The following STOML3 variants were observed in gnomAD, a reference collection of about 807,000 sequenced individuals.
STOML3 encodes the protein stomatin like 3.
Under a neutral mutation model 29.5 loss-of-function variants are expected in STOML3, and 31 were observed. The ratio of observed to expected loss-of-function variants is 1.05; its 90% CI spans 0.79 to 1.42. The LOEUF (loss-of-function observed/expected upper bound fraction) is 1.42, where lower values mean the gene tolerates loss of function less well. Ranked by LOEUF, STOML3 falls within the 40% of genes most tolerant of loss-of-function variation. The probability of loss-of-function intolerance (pLI) is 0.00; values close to 1 mark genes in which losing one functional copy is unlikely to be tolerated. For synonymous variants in STOML3, 122 were observed against 139.8 expected (o/e 0.87, Z 0.90); for missense variants, 380 against 363.0 (o/e 1.05, Z -0.38).
intron 3 of STOML3, among the ~76,000 whole-genome samples, chr13:38,975,549 C>A (rs1379120953): frequency 2.6e-5 from 4 of 152,024 alleles, no homozygotes; most frequent in African/African-American, 7.2e-5. Context: ...GGGCAGAAAG[C>A]AAATGTTATC....
chr13:38,980,208 C>T (rs945152051), intron 1 of STOML3: 16 of 1,430,382 alleles, frequency 1.1e-5, no homozygotes, highest in Middle Eastern at 3.5e-4. Flanking sequence ...TCACCCAGGC[C>T]GCGGCTTCTG....
chr13:38,986,523 A>G (rs1333791288), intron 1 of STOML3, among the ~76,000 whole-genome samples: 4 of 152,044 alleles, frequency 2.6e-5, no homozygotes, highest in East Asian at 1.9e-4. Context: ...CTCCCTTTCT[A>G]TGTTCACTTC....
intron 3 of STOML3, among the ~76,000 whole-genome samples, chr13:38,974,900 A>G (rs1333437314): frequency 6.6e-6 from 1 of 152,180 alleles, no homozygotes; most frequent in Non-Finnish European, 1.5e-5. Context: ...GTGGAACACA[A>G]CCAGGAGGAA....
intron 5 of STOML3, among the ~76,000 whole-genome samples, chr13:38,968,895 G>A (rs567284923): frequency 2.0e-5 from 3 of 152,204 alleles, no homozygotes; most frequent in Admixed American, 1.3e-4. Context: ...AGCAATGAAC[G>A]GGTTTCTCAG....
At chr13:38,979,278 T>C (rs543889506) in intron 1 of STOML3, among the ~76,000 whole-genome samples, 1 of 152,324 alleles carries the variant, frequency 6.6e-6, no homozygotes, top group East Asian at 1.9e-4. Flanking sequence ...TCTCATAGAA[T>C]CTTTGTCAAA....
At chr13:38,989,153 C>T (rs768104505) in intron 1 of STOML3, among the ~76,000 whole-genome samples, 21 of 151,646 alleles carry the variant, frequency 1.4e-4, no homozygotes, top group Non-Finnish European at 2.2e-4. Context: ...TACAAAAGCA[C>T]AGGAAATCAG....
intron 1 of STOML3, among the ~76,000 whole-genome samples, chr13:38,987,019 G>T (rs1868598802): frequency 6.6e-6 from 1 of 152,040 alleles, no homozygotes; most frequent in South Asian, 2.1e-4. Context: ...AATCAAAAAA[G>T]AATAAAAGGG....
chr13:38,986,188 C>T (rs965972732), intron 1 of STOML3, among the ~76,000 whole-genome samples: 2 of 151,450 alleles, frequency 1.3e-5, no homozygotes, highest in African/African-American at 4.9e-5. Context: ...AACGGCACCA[C>T]CACACCCAGC....
intron 1 of STOML3, among the ~76,000 whole-genome samples, chr13:38,988,386 TC>T (rs1868779589): frequency 1.9e-5 from 2 of 103,180 alleles, no homozygotes; most frequent in Non-Finnish European, 3.4e-5. Flanking sequence ...ATATTTTATA[TC>T]ATATATTTTA....
chr13:38,970,770 T>TTTC (rs1880834587), intron 4 of STOML3, among the ~76,000 whole-genome samples: 1 of 152,202 alleles, frequency 6.6e-6, no homozygotes, highest in African/African-American at 2.4e-5. Flanking sequence ...GTACTCTTTT[T>TTTC]TCTTTTCAGT....
At chr13:38,985,950 TGC>T in intron 1 of STOML3, among the ~76,000 whole-genome samples, 1 of 145,334 alleles carries the variant, frequency 6.9e-6, no homozygotes, top group Non-Finnish European at 1.5e-5. Context: ...GAGAGAGTCT[TGC>T]TCTTTCCCCC....
intron 1 of STOML3, among the ~76,000 whole-genome samples, chr13:38,979,752 T>C (rs561863131): frequency 6.6e-6 from 1 of 152,332 alleles, no homozygotes; most frequent in South Asian, 2.1e-4. Context: ...TGCTTATATA[T>C]GTCTCACTGG....
Position 38,966,708 on chromosome 13 carries a change from A to C in STOML3, c.*117T>G, listed in dbSNP as rs1238060453. 5 of 876,938 alleles carry C rather than the reference A, an allele frequency of 5.7e-6. No homozygotes were observed. In the African/African-American group the frequency reaches 8.4e-5, roughly 15 times the overall value. 54.3% of individuals were successfully genotyped at this position (876,938 alleles called of 1,614,324 possible). A position where few individuals can be genotyped will look rare whatever the true frequency, so the allele number is the denominator to read the frequency against. On this transcript the variant is annotated 3_prime_UTR_variant, in exon 7 of 7. Transcript: ENST00000379631. ...AGCTTTTTCCTGCCAATGCTCTTCCATCTATGGAGTTACTGTTACATGAAC... is the reference window on the plus strand; with the variant it reads ...AGCTTTTTCCTGCCAATGCTCTTCCCTCTATGGAGTTACTGTTACATGAAC...
intron 1 of STOML3, among the ~76,000 whole-genome samples, chr13:38,989,771 A>T (rs1317048169): frequency 1.3e-5 from 2 of 152,186 alleles, no homozygotes; most frequent in Non-Finnish European, 2.9e-5. Context: ...TGCTGCGATT[A>T]CAGGGCATGC....
chr13:38,978,452 C>G (rs996072492), intron 1 of STOML3, among the ~76,000 whole-genome samples: 2 of 152,182 alleles, frequency 1.3e-5, no homozygotes, highest in Non-Finnish European at 2.9e-5. Flanking sequence ...CTGCACCTGG[C>G]CCATTTTGCC....
chr13:38,985,889 C>CT (rs200028643), intron 1 of STOML3, among the ~76,000 whole-genome samples: 15,924 of 61,318 alleles, frequency 0.26, 1,756 homozygotes, highest in African/African-American at 0.43. Flanking sequence ...GTGGCTATTT[C>CT]TTTTTTTTTT....
At chr13:38,972,262 C>T (rs1880898020) in intron 4 of STOML3, among the ~76,000 whole-genome samples, 1 of 152,184 alleles carries the variant, frequency 6.6e-6, no homozygotes, top group Admixed American at 6.5e-5. Context: ...TGCTGTCAGG[C>T]TTTCTCACAC....
At chr13:38,986,145 G>A (rs763214113) in intron 1 of STOML3, among the ~76,000 whole-genome samples, 10 of 146,190 alleles carry the variant, frequency 6.8e-5, no homozygotes, top group Non-Finnish European at 1.5e-4. Flanking sequence ...AGGTTCAAGT[G>A]ATTCTCCTCC....
chr13:38,967,323 T>C (rs1398465675), intron 6 of STOML3, among the ~76,000 whole-genome samples: 2 of 152,178 alleles, frequency 1.3e-5, no homozygotes, highest in Admixed American at 1.3e-4. Context: ...TACAAATGAA[T>C]ACTTGGCATC....
Sources: gnomAD v4.1 joint callset for allele counts (sites outside exome capture counted in the v4.1 genomes callset) on GRCh38, gnomAD v4.1.1 for gene constraint, MANE v1.5 for transcripts, NCBI Gene and HGNC (gene_info 2026-07-23, HGNC 2026-07-21) for gene names.